Variants in PCDHA13 observed in about 807,000 individuals in gnomAD.
PCDHA13 encodes the protein protocadherin alpha 13, also known as protocadherin alpha-13.
Under a neutral mutation model 64.8 loss-of-function variants are expected in PCDHA13, and 54 were observed. The observed-to-expected ratio is 0.83, with a 90% CI of 0.67 to 1.04. PCDHA13 has a LOEUF of 1.04. Ranked by LOEUF, PCDHA13 falls within the 50% of genes least tolerant of loss-of-function variation. The pLI is 0.00. For missense variants in PCDHA13, 1,248 were observed against 1,254.3 expected, an observed-to-expected ratio of 0.99 and a Z score of 0.08; for synonymous variants, 587 against 564.4, an observed-to-expected ratio of 1.04 and a Z score of -0.57.
chr5:140,961,336 G>C (rs2095605046), intron 1 of PCDHA13, among the ~76,000 whole-genome samples: 1 of 152,178 alleles, frequency 6.6e-6, no homozygotes, highest in African/African-American at 2.4e-5. Context: ...GAGAGACCAA[G>C]AGTGGATCCC....
intron 1 of PCDHA13, among the ~76,000 whole-genome samples, chr5:140,908,870 T>C (rs1221082339): frequency 6.6e-6 from 1 of 152,136 alleles, no homozygotes; most frequent in Non-Finnish European, 1.5e-5. Flanking sequence ...ATGTGTTGCC[T>C]CCAAAATCCA....
At chr5:140,942,546 TA>T (rs1380022033) in intron 1 of PCDHA13, among the ~76,000 whole-genome samples, 4 of 150,044 alleles carry the variant, frequency 2.7e-5, no homozygotes, top group African/African-American at 9.8e-5. Flanking sequence ...TGGTGGGGGG[TA>T]GGGGGTTGAG....
rs73266040 is a variant in PCDHA13 at position 140,926,675 on chromosome 5, C to G, written c.2394+42013C>G. 1.5e-3 allele frequency: 923 copies of G among 601,544 alleles called. 7 individuals carry two copies. The African/African-American group carries it at 0.016, about 11-fold the overall frequency. The allele number at this position is 601,544 out of a possible 1,614,324, so 37.3% of individuals were successfully genotyped here. ...TCCGCTTTCCCAGACGGCTGCCCAG[C>G]CTCCAGCCTAGCAAGCCCGGCTCCC... On this transcript the variant is annotated intron_variant, in intron 1 of 3. Coordinates refer to ENST00000289272, the MANE Select transcript of PCDHA13 (RefSeq NM_018904.3).
intron 1 of PCDHA13, among the ~76,000 whole-genome samples, chr5:140,922,817 G>A (rs1554200973): frequency 1.3e-5 from 2 of 152,218 alleles, no homozygotes; most frequent in Non-Finnish European, 2.9e-5. Context: ...AGGAGATACA[G>A]CATACTGCTA....
chr5:140,918,833 G>A (rs2078883719), intron 1 of PCDHA13, among the ~76,000 whole-genome samples: 1 of 152,084 alleles, frequency 6.6e-6, no homozygotes, highest in African/African-American at 2.4e-5. Context: ...CCCCTCCCCA[G>A]ACACTAAATC....
intron 3 of PCDHA13, among the ~76,000 whole-genome samples, chr5:140,994,234 C>A (rs1285846864): frequency 4.6e-5 from 7 of 152,146 alleles, no homozygotes; most frequent in South Asian, 2.1e-4. Flanking sequence ...ATGTTATAAT[C>A]AATTCAAACC....
rs140058365 is a variant in PCDHA13 at position 140,928,379 on chromosome 5, G to A, written c.2394+43717G>A. 5.7e-4 allele frequency: 913 copies of A among 1,614,172 alleles called. 5 individuals are homozygous for A. The African/African-American group carries it at 0.01, about 18-fold the overall frequency. On this transcript the variant is annotated intron_variant, in intron 1 of 3. Transcript: ENST00000289272. ...ATCTCTGAAGGGCCATCAGCCTCTA[G>A]CTTGCTGGCAGTGGAATCATCCAGT...
chr5:140,932,866 T>C (rs1584758563), intron 1 of PCDHA13, among the ~76,000 whole-genome samples: 1 of 151,996 alleles, frequency 6.6e-6, no homozygotes, highest in Non-Finnish European at 1.5e-5. Flanking sequence ...TTATTGTCTT[T>C]TGTTGTCTTC....
At chr5:140,975,343 A>G (rs997568363) in intron 1 of PCDHA13, among the ~76,000 whole-genome samples, 1 of 152,224 alleles carries the variant, frequency 6.6e-6, no homozygotes, top group Middle Eastern at 3.2e-3. Context: ...TCCCTTTCTT[A>G]AAGCCAACTG....
chr5:140,884,124 G>T lies in PCDHA13; in HGVS notation c.1856G>T (p.Arg619Leu). ...TTGCAGCTGGCGGCGGTCGGCGCGCGCATCCCGTTCCGCGTGGGGCTGTAC... is the reference window on the plus strand; with the variant it reads ...TTGCAGCTGGCGGCGGTCGGCGCGCTCATCCCGTTCCGCGTGGGGCTGTAC... ...YELQLAAVGA[R>L]IPFRVGLYTG... The change falls in exon 1 of 4, where the codon CGC becomes CTC. Residue 619 changes from arginine (R) to leucine (L), a missense_variant. Coordinates refer to ENST00000289272, the MANE Select transcript of PCDHA13 (RefSeq NM_018904.3). The T allele has an allele frequency of 6.2e-7, 1 of 1,613,344 alleles. No individual in the cohort carries two copies. Among genetic ancestry groups the T allele is most frequent in the South Asian group, 1.1e-5 (1 of 91,050 alleles).
At chr5:140,975,352 T>G (rs2096663445) in intron 1 of PCDHA13, among the ~76,000 whole-genome samples, 1 of 152,256 alleles carries the variant, frequency 6.6e-6, no homozygotes, top group African/African-American at 2.4e-5. Flanking sequence ...TAAAGCCAAC[T>G]GTGCTACATA....
At chr5:140,943,846 A>C (rs1209903373) in intron 1 of PCDHA13, among the ~76,000 whole-genome samples, 1 of 152,242 alleles carries the variant, frequency 6.6e-6, no homozygotes, top group African/African-American at 2.4e-5. Context: ...GTAAGATGTC[A>C]CAGAAGTCAA....
intron 1 of PCDHA13, chr5:140,966,135 T>A (rs1456572936): frequency 1.2e-5 from 2 of 162,166 alleles, no homozygotes; most frequent in African/African-American, 4.8e-5. Context: ...CCCCTCAGTT[T>A]ATTTTCCTGA....
intron 1 of PCDHA13, chr5:140,967,023 G>C: frequency 6.2e-7 from 1 of 1,608,162 alleles, no homozygotes; most frequent in Non-Finnish European, 8.5e-7. Context: ...GGTGCGCCCA[G>C]TCCGCGCTAC....
chr5:140,936,744 T>A (rs1204618787), intron 1 of PCDHA13, among the ~76,000 whole-genome samples: 5 of 152,216 alleles, frequency 3.3e-5, no homozygotes, highest in Non-Finnish European at 5.9e-5. Context: ...AACTTTTCAT[T>A]TGTATTGATA....
chr5:140,993,267 T>C (rs1554253547), intron 3 of PCDHA13, among the ~76,000 whole-genome samples: 1 of 152,166 alleles, frequency 6.6e-6, no homozygotes, highest in Non-Finnish European at 1.5e-5. Context: ...ATTAGCTTCT[T>C]TGGTCTTTTC....
Position 140,894,245 on chromosome 5 carries a change from C to T in PCDHA13, c.2394+9583C>T, listed in dbSNP as rs1273703512. ...AGATGTTGAATGACAATGTAATTTT[C>T]TTTTCTTTACAAGTGGTAGCTTATT... On this transcript the variant is annotated intron_variant, in intron 1 of 3. Coordinates refer to ENST00000289272, the MANE Select transcript of PCDHA13 (RefSeq NM_018904.3). 4.0e-5 allele frequency among the ~76,000 whole-genome samples: 6 copies of T among 151,858 alleles called. No homozygotes were observed. In the East Asian group the frequency reaches 1.2e-3, roughly 29 times the overall value.
chr5:140,966,216 C>T (rs1189015388), intron 1 of PCDHA13: 1 of 247,072 alleles, frequency 4.0e-6, no homozygotes, highest in African/African-American at 2.2e-5. Flanking sequence ...TTTTCCCAGA[C>T]TAATCTCCTT....
At chr5:140,915,582 G>T (rs991142864) in intron 1 of PCDHA13, among the ~76,000 whole-genome samples, 1 of 151,936 alleles carries the variant, frequency 6.6e-6, no homozygotes, top group Non-Finnish European at 1.5e-5. Context: ...CCAGGCAAAA[G>T]CACTTGTTCT....
Sources: allele counts gnomAD v4.1 joint callset (sites outside exome capture counted in the v4.1 genomes callset), GRCh38; gene constraint gnomAD v4.1.1; transcripts MANE v1.5; gene names NCBI Gene and HGNC (gene_info 2026-07-23, HGNC 2026-07-21).